The following UBE3C variants were observed in gnomAD, a reference collection of about 807,000 sequenced individuals.
UBE3C encodes ubiquitin-protein ligase E3C.
UBE3C carries 42 observed loss-of-function variants against 129.4 expected under a neutral mutation model. The ratio of observed to expected loss-of-function variants is 0.32; its 90% CI spans 0.25 to 0.42. The LOEUF (loss-of-function observed/expected upper bound fraction) is 0.42. Among genes scored for constraint, UBE3C ranks in the 10% least tolerant of loss-of-function variants. The probability of loss-of-function intolerance (pLI) is 1.00; values close to 1 mark genes in which losing one functional copy is unlikely to be tolerated. For missense variants in UBE3C, 1,049 were observed against 1,319.1 expected (o/e 0.80, Z 3.17); for synonymous variants, 510 against 492.4 (o/e 1.04, Z -0.47).
chr7:157,164,092 T>C (rs1808148393), intron 2 of UBE3C, among the ~76,000 whole-genome samples: 1 of 152,144 alleles, frequency 6.6e-6, no homozygotes, highest in Non-Finnish European at 1.5e-5. Context: ...TTTGGTTGAC[T>C]TACATAATGA....
intron 22 of UBE3C, among the ~76,000 whole-genome samples, chr7:157,265,378 T>C (rs1465054875): frequency 6.6e-6 from 1 of 152,224 alleles, no homozygotes; most frequent in Non-Finnish European, 1.5e-5. Flanking sequence ...CTAATGGTGT[T>C]TGTGTATACG....
At chr7:157,144,683 C>CTT (rs149472708) in intron 1 of UBE3C, among the ~76,000 whole-genome samples, 211 of 139,860 alleles carry the variant, frequency 1.5e-3, no homozygotes, top group African/African-American at 5.1e-3. Flanking sequence ...TTGTCCAGTG[C>CTT]TTTTTTTAAA....
chr7:157,181,466 C>G, intron 6 of UBE3C, 52 bp from the exon 7 acceptor site: 1 of 1,505,492 alleles, frequency 6.6e-7, no homozygotes, highest in East Asian at 2.4e-5. Flanking sequence ...CAAGTTTTTT[C>G]CCTTATTACA....
intron 10 of UBE3C, among the ~76,000 whole-genome samples, chr7:157,196,624 A>C (rs191971825): frequency 2.0e-5 from 3 of 152,316 alleles, no homozygotes; most frequent in Non-Finnish European, 4.4e-5. Context: ...GAGGAACTGT[A>C]ATTACTTGAT....
At chr7:157,240,158 A>G (rs186408148) in intron 18 of UBE3C, among the ~76,000 whole-genome samples, 22 of 152,106 alleles carry the variant, frequency 1.4e-4, no homozygotes, top group Non-Finnish European at 2.9e-4. Context: ...TGGTTCAAGC[A>G]ATTCTCGTGC....
chr7:157,177,364 T>TA (rs1488907316), intron 5 of UBE3C, among the ~76,000 whole-genome samples: 4 of 152,230 alleles, frequency 2.6e-5, no homozygotes, highest in African/African-American at 9.6e-5. Flanking sequence ...ACAATATGGA[T>TA]ATCCTTTTCC....
At chr7:157,140,576 C>G (rs145887774) in intron 1 of UBE3C, among the ~76,000 whole-genome samples, 2,179 of 152,322 alleles carry the variant, frequency 0.014, 41 homozygotes, top group African/African-American at 0.049. Flanking sequence ...CAGAGAATCT[C>G]AGGGCCAAAT....
chr7:157,210,435 A>G (rs927928939), intron 13 of UBE3C, among the ~76,000 whole-genome samples: 2 of 152,166 alleles, frequency 1.3e-5, no homozygotes, highest in African/African-American at 4.8e-5. Flanking sequence ...AGAAAATACT[A>G]TCTCTATTAT....
At chr7:157,254,606 C>T (rs1344579254) in intron 21 of UBE3C, among the ~76,000 whole-genome samples, 3 of 151,798 alleles carry the variant, frequency 2.0e-5, no homozygotes, top group Non-Finnish European at 4.4e-5. Flanking sequence ...CCATGTTGGC[C>T]AGGCTGGTTT....
At chr7:157,190,941 A>C (rs1808946266) in intron 10 of UBE3C, among the ~76,000 whole-genome samples, 1 of 152,114 alleles carries the variant, frequency 6.6e-6, no homozygotes, top group Non-Finnish European at 1.5e-5. Context: ...AGTCTCTTCC[A>C]GTTAATGTCT....
chr7:157,231,459 G>A, intron 18 of UBE3C, 132 bp downstream of exon 18: 1 of 1,382,060 alleles, frequency 7.2e-7, no homozygotes, highest in Non-Finnish European at 9.8e-7. Flanking sequence ...TGTTGCAAAA[G>A]CACTGCACGA....
chr7:157,229,012 C>T (rs1278997834), intron 17 of UBE3C, among the ~76,000 whole-genome samples: 1 of 152,148 alleles, frequency 6.6e-6, no homozygotes, highest in Admixed American at 6.5e-5. Flanking sequence ...TGAGATGCTC[C>T]AGGGCAGATA....
At chr7:157,230,711 A>AG (rs34173241) in intron 17 of UBE3C, among the ~76,000 whole-genome samples, 72,054 of 143,188 alleles carry the variant, frequency 0.5, 21,375 homozygotes, top group Non-Finnish European at 0.65. Context: ...AAAAAAAAAA[A>AG]AAACCTCCTA....
intron 6 of UBE3C, among the ~76,000 whole-genome samples, chr7:157,179,146 G>A (rs1475172869): frequency 6.6e-6 from 1 of 151,870 alleles, no homozygotes; most frequent in African/African-American, 2.4e-5. Context: ...CAAGATTGGT[G>A]TCTGCAGTGC....
intron 7 of UBE3C, among the ~76,000 whole-genome samples, 182 bp from the exon 8 acceptor site, chr7:157,181,921 GTTATC>G (rs777748449): frequency 6.6e-6 from 1 of 152,160 alleles, no homozygotes; most frequent in Non-Finnish European, 1.5e-5. Context: ...AAACATGGTA[GTTATC>G]TTAATAGAGA....
At position 157,269,177 on chromosome 7, in the gene UBE3C, G is replaced by A; in HGVS notation, c.*1422G>A. The stretch of plus-strand genomic sequence containing the variant: ...GGGTTGGTCTTTTTTATTTTAGGTT[G>A]TTTTATGTTGAATGTTCTATATCTT... On this transcript the variant is annotated 3_prime_UTR_variant, in exon 23 of 23. Coordinates refer to ENST00000348165, the MANE Select transcript of UBE3C (RefSeq NM_014671.3). 6.7e-6 allele frequency: 1 copy of A among 148,742 alleles called. No homozygotes were observed. The highest frequency in any genetic ancestry group is 2.1e-4 in the South Asian group (1 of 4,812). 9.2% of individuals were successfully genotyped at this position (148,742 alleles called of 1,614,324 possible).
At chr7:157,263,910 T>TG (rs774610733) in intron 22 of UBE3C, among the ~76,000 whole-genome samples, 2 of 152,090 alleles carry the variant, frequency 1.3e-5, no homozygotes, top group Non-Finnish European at 2.9e-5. Context: ...TCTACCTACA[T>TG]GAGTGTGTGT....
chr7:157,169,591 G>A lies in UBE3C; in HGVS notation c.195+469G>A, dbSNP rs374091013. Among the ~76,000 whole-genome samples the A allele has an allele frequency of 6.7e-4, 102 of 152,242 alleles. 1 individual carries two copies. The East Asian group carries it at 0.017, about 25-fold the overall frequency. ...GTGTTTTGCCACGTTGACCAGGCTG[G>A]TCTGGAACTCATGACCTCAAATGAT... is the stretch of plus-strand genomic sequence containing the variant. On this transcript the variant is annotated intron_variant, in intron 3 of 22. Coordinates refer to ENST00000348165, the MANE Select transcript of UBE3C (RefSeq NM_014671.3).
At position 157,268,010 on chromosome 7, in the gene UBE3C, C is replaced by T. The variant is rs1797126320; in HGVS notation, c.*255C>T. On this transcript the variant is annotated 3_prime_UTR_variant, in exon 23 of 23. Coordinates refer to ENST00000348165, the MANE Select transcript of UBE3C (RefSeq NM_014671.3). ...CATGTGGCTACTTTAGTAATATTGCCAAGAAGAGCACAGTTTTTACACTAG... is the reference window on the plus strand; with the variant it reads ...CATGTGGCTACTTTAGTAATATTGCTAAGAAGAGCACAGTTTTTACACTAG... 2 of 323,124 alleles carry T rather than the reference C, an allele frequency of 6.2e-6. No homozygotes were observed. Among genetic ancestry groups the T allele is most frequent in the East Asian group, 1.3e-4 (2 of 15,022 alleles). The allele number at this position is 323,124 out of a possible 1,614,324, so 20.0% of individuals were successfully genotyped here.
Sources: allele counts gnomAD v4.1 joint callset (sites outside exome capture counted in the v4.1 genomes callset), GRCh38; gene constraint gnomAD v4.1.1; transcripts MANE v1.5; gene names NCBI Gene and HGNC (gene_info 2026-07-23, HGNC 2026-07-21).